The following CIT variants were observed in gnomAD, a reference collection of about 807,000 sequenced individuals.
CIT encodes the protein citron rho-interacting serine/threonine kinase, also known as citron Rho-interacting kinase.
CIT carries 79 observed loss-of-function variants against 272.7 expected under a neutral mutation model. The observed-to-expected ratio is 0.29, with a 90% CI of 0.24 to 0.35. The LOEUF (loss-of-function observed/expected upper bound fraction) is 0.35, where lower values mean the gene tolerates loss of function less well. CIT is among the 10% of genes least tolerant of loss of function. The pLI is 1.00. For missense variants in CIT, 1,909 were observed against 2,618.3 expected, an observed-to-expected ratio of 0.73 and a Z score of 5.91; for synonymous variants, 948 against 995.6, an observed-to-expected ratio of 0.95 and a Z score of 0.90.
intron 10 of CIT, among the ~76,000 whole-genome samples, chr12:119,786,129 C>A (rs1206665879): frequency 6.6e-6 from 1 of 151,870 alleles, no homozygotes; most frequent in African/African-American, 2.4e-5. Context: ...TGAGCAGATA[C>A]GATTTATTAT....
At chr12:119,752,314 A>G in intron 22 of CIT, 67 bp from the exon 23 acceptor site, 1 of 1,406,658 alleles carries the variant, frequency 7.1e-7, no homozygotes, top group Non-Finnish European at 9.6e-7. Flanking sequence ...GAGAAAGTGA[A>G]GACATGACCT....
Position 119,686,523 on chromosome 12 carries a change from G to C in CIT, c.*1709C>G, listed in dbSNP as rs536597274. On this transcript the variant is annotated 3_prime_UTR_variant, in exon 48 of 48. Transcript: ENST00000392521. ...CTTAGGTTAAGACACGAGCAGGAAG[G>C]AGCTGGGATGCAGGCCAGGTTGCAA... 15 of 152,464 alleles carry C rather than the reference G, an allele frequency of 9.8e-5. No individual in the cohort carries two copies. Among genetic ancestry groups the C allele is most frequent in the Admixed American group, 5.2e-4 (8 of 15,290 alleles). The allele number at this position is 152,464 out of a possible 1,614,324, so 9.4% of individuals were successfully genotyped here.
intron 4 of CIT, 67 bp from the exon 5 acceptor site, chr12:119,850,342 C>A: frequency 3.6e-6 from 3 of 833,648 alleles, no homozygotes; most frequent in Non-Finnish European, 5.7e-6. Context: ...GCCTTTTCCT[C>A]TGTCTTTATG....
intron 23 of CIT, among the ~76,000 whole-genome samples, chr12:119,747,797 C>T (rs764229422): frequency 1.3e-5 from 2 of 152,096 alleles, no homozygotes; most frequent in Non-Finnish European, 2.9e-5. Context: ...ATAACACTAA[C>T]ATTGCTTTTG....
Position 119,718,239 on chromosome 12 carries a change from A to G in CIT, c.4168+6T>C. ...TAAAAGAAATTTCCATACAACTCCA[A>G]CGTACCCTCTGGAGTTGAAGACTCC... On this transcript the variant is annotated splice_donor_region_variant and intron_variant, in intron 32 of 47. Coordinates refer to ENST00000392521, the MANE Select transcript of CIT (RefSeq NM_001206999.2). This position sits in a 1 kb window ranked among gnomAD's most constrained non-coding sequence, Gnocchi z 4.8. 1 of 1,608,018 alleles carries G rather than the reference A, an allele frequency of 6.2e-7. No homozygotes were observed. The highest frequency in any genetic ancestry group is 8.5e-7 in the Non-Finnish European group (1 of 1,176,542).
At chr12:119,816,124 T>C (rs1023155640) in intron 9 of CIT, among the ~76,000 whole-genome samples, 1 of 152,170 alleles carries the variant, frequency 6.6e-6, no homozygotes, top group African/African-American at 2.4e-5. Flanking sequence ...TCCTGGCACA[T>C]ACTAGGCACT....
chr12:119,801,860 T>C (rs1473412010), intron 10 of CIT, among the ~76,000 whole-genome samples: 2 of 152,128 alleles, frequency 1.3e-5, no homozygotes, highest in Non-Finnish European at 2.9e-5. Flanking sequence ...CATCTAACAC[T>C]ACCAAAATCC....
intron 3 of CIT, 110 bp downstream of exon 3, chr12:119,868,950 G>A (rs942424522): frequency 1.5e-5 from 20 of 1,310,616 alleles, no homozygotes; most frequent in Non-Finnish European, 2.0e-5. Context: ...GTCTTATATA[G>A]AACCAGAGTT....
chr12:119,831,610 C>T (rs1054574961), intron 7 of CIT, among the ~76,000 whole-genome samples: 23 of 152,226 alleles, frequency 1.5e-4, no homozygotes, highest in Non-Finnish European at 3.4e-4. Context: ...TGGCTTATGC[C>T]TGTAATCCCA....
intron 19 of CIT, among the ~76,000 whole-genome samples, chr12:119,763,236 A>C (rs1008123250): frequency 6.6e-6 from 1 of 152,288 alleles, no homozygotes; most frequent in Non-Finnish European, 1.5e-5. Context: ...ACATCAATAT[A>C]TCACCAAATC....
At chr12:119,716,641 G>A (rs1395835052) in intron 32 of CIT, among the ~76,000 whole-genome samples, 2 of 152,090 alleles carry the variant, frequency 1.3e-5, no homozygotes, top group Admixed American at 6.6e-5. Flanking sequence ...GGTAAATGGA[G>A]TACATTTGAG....
intron 7 of CIT, among the ~76,000 whole-genome samples, chr12:119,831,803 G>C (rs2138112768): frequency 6.6e-6 from 1 of 152,250 alleles, no homozygotes; most frequent in South Asian, 2.1e-4. Flanking sequence ...CAGGGGGGCG[G>C]AGCTTGCAGT....
At chr12:119,870,749 G>A (rs1028204059) in intron 2 of CIT, among the ~76,000 whole-genome samples, 1 of 151,988 alleles carries the variant, frequency 6.6e-6, no homozygotes, top group African/African-American at 2.4e-5. Context: ...CTGCTTTTGT[G>A]CTACCATGGC....
intron 44 of CIT, 23 bp downstream of exon 44, chr12:119,700,722 C>T (rs771155845): frequency 1.3e-6 from 2 of 1,594,150 alleles, no homozygotes; most frequent in Non-Finnish European, 1.7e-6. Context: ...AAAAGAGAAG[C>T]CCCCACACTG....
chr12:119,856,654 C>T (rs1441960770), intron 4 of CIT, among the ~76,000 whole-genome samples: 3 of 152,114 alleles, frequency 2.0e-5, no homozygotes, highest in African/African-American at 7.2e-5. Flanking sequence ...CTACATTTCC[C>T]CCCATCGGTG....
intron 12 of CIT, 45 bp from the exon 13 acceptor site, chr12:119,782,682 C>CA (rs1282927961): frequency 6.2e-7 from 1 of 1,607,894 alleles, no homozygotes. Context: ...GTGGATCCTG[C>CA]TTTGTTTGAA....
At chr12:119,853,099 C>T (rs1174532703) in intron 4 of CIT, among the ~76,000 whole-genome samples, 1 of 151,946 alleles carries the variant, frequency 6.6e-6, no homozygotes, top group South Asian at 2.1e-4. Flanking sequence ...GGCCAAGGCA[C>T]GTGGACTACT....
rs376026976 is a variant in CIT, at chr12:119,708,160, G to A, written c.5211+19C>T. ...ATTTCCAGAACATTCCACCAGCTAGGACTCTGAGGGGAGCTTACCTTGCCT... is the reference window on the plus strand; with the variant it reads ...ATTTCCAGAACATTCCACCAGCTAGAACTCTGAGGGGAGCTTACCTTGCCT... On this transcript the variant is annotated intron_variant, in intron 40 of 47. Coordinates refer to ENST00000392521, the MANE Select transcript of CIT (RefSeq NM_001206999.2). 3.3e-6 allele frequency: 5 copies of A among 1,525,460 alleles called. No individual in the cohort carries two copies. The African/African-American group carries it at 7.0e-5, about 21-fold the overall frequency. The allele number at this position is 1,525,460 out of a possible 1,614,324, so 94.5% of individuals were successfully genotyped here. A position where few individuals can be genotyped will look rare whatever the true frequency, so the allele number is the denominator to read the frequency against.
chr12:119,781,674 A>AAC (rs1381684706), intron 13 of CIT, among the ~76,000 whole-genome samples: 2 of 152,076 alleles, frequency 1.3e-5, no homozygotes, highest in African/African-American at 4.8e-5. Flanking sequence ...AGAAAGAAAA[A>AAC]AAAGAGTGGG....
Sources: allele counts gnomAD v4.1 joint callset (sites outside exome capture counted in the v4.1 genomes callset), GRCh38; gene constraint gnomAD v4.1.1; non-coding constraint Gnocchi (gnomAD v3.1); transcripts MANE v1.5; gene names NCBI Gene and HGNC (gene_info 2026-07-23, HGNC 2026-07-21).